E2F7: variants seen among roughly 807,000 people sequenced by gnomAD.
The protein encoded by E2F7 is E2F transcription factor 7, also known as transcription factor E2F7.
A neutral mutation model predicts 81.1 loss-of-function variants in E2F7; 35 were observed. The ratio of observed to expected loss-of-function variants is 0.43; its 90% CI spans 0.33 to 0.57. The LOEUF is 0.57. Among genes scored for constraint, E2F7 ranks in the 20% least tolerant of loss-of-function variants. The probability of loss-of-function intolerance (pLI) is 0.04; values close to 1 mark genes in which losing one functional copy is unlikely to be tolerated. For synonymous variants in E2F7, 416 were observed against 416.2 expected (o/e 1.00, Z 0.01); for missense variants, 961 against 1,093.7 (o/e 0.88, Z 1.71).
intron 2 of E2F7, 113 bp downstream of exon 2, chr12:77,064,430 A>C: frequency 1.2e-6 from 1 of 820,206 alleles, no homozygotes; most frequent in East Asian, 2.7e-5. Context: ...AATGTTTATC[A>C]ATATTAATTA....
chr12:77,025,070 T>C (rs1954746837), intron 12 of E2F7, among the ~76,000 whole-genome samples: 1 of 152,168 alleles, frequency 6.6e-6, no homozygotes, highest in Non-Finnish European at 1.5e-5. Context: ...TAGATGTATA[T>C]ACATACAGAC....
At chr12:77,043,301 G>A in intron 6 of E2F7, 102 bp from the exon 7 acceptor site, 1 of 1,508,812 alleles carries the variant, frequency 6.6e-7, no homozygotes, top group Non-Finnish European at 9.1e-7. Context: ...TAAACCTCAG[G>A]TGGAAAGCAG....
chr12:77,039,223 T>C (rs1954877195), intron 7 of E2F7, among the ~76,000 whole-genome samples: 1 of 152,212 alleles, frequency 6.6e-6, no homozygotes, highest in Non-Finnish European at 1.5e-5. Flanking sequence ...TCACACCACA[T>C]GTGTGATCTT....
chr12:77,053,831 A>G (rs1353521936), intron 3 of E2F7, among the ~76,000 whole-genome samples: 3 of 152,198 alleles, frequency 2.0e-5, no homozygotes, highest in African/African-American at 7.2e-5. Flanking sequence ...ATAAATACAA[A>G]TTCAGAAGAA....
At chr12:77,056,162 G>A (rs1955031040) in intron 2 of E2F7, 32 bp from the exon 3 acceptor site, 1 of 1,556,256 alleles carries the variant, frequency 6.4e-7, no homozygotes, top group East Asian at 2.2e-5. Context: ...TAGCAAGAAT[G>A]AGAAAGGGCA....
At chr12:77,040,956 G>A (rs987560403) in intron 7 of E2F7, among the ~76,000 whole-genome samples, 1 of 152,208 alleles carries the variant, frequency 6.6e-6, no homozygotes, top group African/African-American at 2.4e-5. Context: ...TGCTAGCCAA[G>A]GGGTGAAGGA....
rs1955103615 is a variant in E2F7 at position 77,064,687 on chromosome 12, C to T, written c.1-52G>A. On this transcript the variant is annotated intron_variant, in intron 1 of 12. Transcript: ENST00000322886. Reference sequence around the variant, plus strand: ...TGATTTTGCAATTAGGTATTTTTTCCTCAAACAAAAATATCTACATATGTG... The same window carrying T: ...TGATTTTGCAATTAGGTATTTTTTCTTCAAACAAAAATATCTACATATGTG... 6.7e-7 allele frequency: 1 copy of T among 1,497,412 alleles called. No homozygotes were observed. 92.8% of individuals were successfully genotyped at this position (1,497,412 alleles called of 1,614,324 possible).
intron 2 of E2F7, among the ~76,000 whole-genome samples, chr12:77,063,486 T>G (rs1955093946): frequency 1.3e-5 from 2 of 152,102 alleles, no homozygotes; most frequent in South Asian, 4.1e-4. Flanking sequence ...AATTTGGGGG[T>G]GGAAAACATA....
chr12:77,030,419 A>G (rs1337212008), intron 9 of E2F7, 87 bp from the exon 10 acceptor site: 10 of 1,465,340 alleles, frequency 6.8e-6, no homozygotes, highest in Non-Finnish European at 9.1e-6. Context: ...TGCCAAATCA[A>G]GAATGAGATA....
chr12:77,025,722 C>T lies in E2F7; in HGVS notation c.2401G>A (p.Val801Met), dbSNP rs773129460. The T allele has an allele frequency of 2.5e-6, 4 of 1,614,182 alleles. No homozygotes were observed. Among genetic ancestry groups the T allele is most frequent in the South Asian group, 1.1e-5 (1 of 91,076 alleles). Reference protein sequence around the residue: ...IAQLLVGPTAVVNPKSSTLPS... With the variant: ...IAQLLVGPTAMVNPKSSTLPS... ...AGTGTGGACGACTTTGGATTAACCA[C>T]AGCTGTGGGGCCGACGAGAAGCTGG... is the stretch of plus-strand genomic sequence containing the variant. Residue 801 changes from valine to methionine, a missense_variant, in exon 12 of 13, where the codon GTG becomes ATG. Val to Met is a conservative substitution (Grantham distance 21). Transcript: ENST00000322886.
intron 3 of E2F7, among the ~76,000 whole-genome samples, chr12:77,054,769 A>C (rs759434924): frequency 1.4e-4 from 21 of 152,008 alleles, no homozygotes; most frequent in Non-Finnish European, 2.7e-4. Flanking sequence ...TATTTTTGTC[A>C]AAAAAATTAC....
At chr12:77,053,755 A>G (rs1955008423) in intron 3 of E2F7, among the ~76,000 whole-genome samples, 1 of 152,230 alleles carries the variant, frequency 6.6e-6, no homozygotes, top group Non-Finnish European at 1.5e-5. Context: ...AACTACAGCT[A>G]CATGCGAAAA....
Position 77,023,915 on chromosome 12 carries a change from A to G in E2F7, c.*100T>C. On this transcript the variant is annotated 3_prime_UTR_variant, in exon 13 of 13. Transcript: ENST00000322886. ...TAACAGAAGTGTGGATGAAAGAGAG[A>G]GGAAGGACCCGTGCTCAGGACGGGA... 7.2e-7 allele frequency: 1 copy of G among 1,380,538 alleles called. No homozygotes were observed. The highest frequency in any genetic ancestry group is 9.9e-7 in the Non-Finnish European group (1 of 1,014,830). 85.5% of individuals were successfully genotyped at this position (1,380,538 alleles called of 1,614,324 possible).
At chr12:77,045,810 A>C in intron 5 of E2F7, 2 of 536,084 alleles carry the variant, frequency 3.7e-6, no homozygotes, top group Non-Finnish European at 6.5e-6. Context: ...CTATTCTCCC[A>C]ACAGGCCAAA....
rs115028056 is a variant in E2F7, at chr12:77,045,703, T to G, written c.829+335A>C. 695 of 246,080 alleles carry G rather than the reference T, an allele frequency of 2.8e-3. 7 individuals are homozygous for G. The highest frequency in any genetic ancestry group is 0.014 in the African/African-American group (654 of 45,380). The allele number at this position is 246,080 out of a possible 1,614,324, so 15.2% of individuals were successfully genotyped here. A position where few individuals can be genotyped will look rare whatever the true frequency, so the allele number is the denominator to read the frequency against. On this transcript the variant is annotated intron_variant, in intron 5 of 12. Transcript: ENST00000322886. ...ACTCCAGTATATAATTAGATAAAATTCTTTGAAAATATAACTTTTTCAAAG... is the reference window on the plus strand; with the variant it reads ...ACTCCAGTATATAATTAGATAAAATGCTTTGAAAATATAACTTTTTCAAAG...
intron 4 of E2F7, among the ~76,000 whole-genome samples, chr12:77,048,036 A>T (rs1317289496): frequency 6.6e-6 from 1 of 152,220 alleles, no homozygotes; most frequent in Non-Finnish European, 1.5e-5. Flanking sequence ...AGACATCCCA[A>T]GAAGGGAAAA....
chr12:77,034,555 C>T (rs556063419), intron 7 of E2F7, among the ~76,000 whole-genome samples: 1 of 152,100 alleles, frequency 6.6e-6, no homozygotes, highest in African/African-American at 2.4e-5. Context: ...TACTACGTGA[C>T]CAAAGGAATA....
At chr12:77,024,932 C>T (rs1353915639) in intron 12 of E2F7, among the ~76,000 whole-genome samples, 1 of 152,066 alleles carries the variant, frequency 6.6e-6, no homozygotes, top group Non-Finnish European at 1.5e-5. Context: ...AGGAATTCAA[C>T]GAATACTTGA....
At chr12:77,041,280 C>G (rs1256819477) in intron 7 of E2F7, among the ~76,000 whole-genome samples, 1 of 152,082 alleles carries the variant, frequency 6.6e-6, no homozygotes, top group Non-Finnish European at 1.5e-5. Flanking sequence ...CAACCTCCGC[C>G]TCCCTGGTTC....
Sources: allele counts gnomAD v4.1 joint callset (sites outside exome capture counted in the v4.1 genomes callset), GRCh38; gene constraint gnomAD v4.1.1; transcripts MANE v1.5; gene names NCBI Gene and HGNC (gene_info 2026-07-23, HGNC 2026-07-21).